Variants in LARS2 observed in about 807,000 individuals in gnomAD.
LARS2 encodes leucine--tRNA ligase, mitochondrial.
Under a neutral mutation model 116.6 loss-of-function variants are expected in LARS2, and 81 were observed. That is an observed-to-expected ratio of 0.69 (90% CI 0.58 to 0.84). The LOEUF is 0.84. LARS2 is among the 40% of genes least tolerant of loss of function. The probability of loss-of-function intolerance (pLI) is 0.00; values close to 1 mark genes in which losing one functional copy is unlikely to be tolerated. For missense variants in LARS2, 968 were observed against 1,114.5 expected (o/e 0.87, Z 1.87); for synonymous variants, 396 against 407.2 (o/e 0.97, Z 0.33).
chr3:45,473,973 CTTTG>C (rs894495840), intron 8 of LARS2, among the ~76,000 whole-genome samples: 39 of 152,178 alleles, frequency 2.6e-4, no homozygotes, highest in Middle Eastern at 3.4e-3. Context: ...GAATTATGAC[CTTTG>C]TTTGTTAATT....
chr3:45,423,186 T>A (rs1259888884), intron 6 of LARS2, among the ~76,000 whole-genome samples: 1 of 152,226 alleles, frequency 6.6e-6, no homozygotes, highest in Non-Finnish European at 1.5e-5. Context: ...TTGATCCTCA[T>A]GTATGATAAG....
chr3:45,496,915 AAAG>A (rs376158167), intron 14 of LARS2, among the ~76,000 whole-genome samples: 45 of 152,372 alleles, frequency 3.0e-4, no homozygotes, highest in African/African-American at 1.1e-3. Flanking sequence ...CAAAACGGAA[AAAG>A]AAGGAAATGC....
intron 13 of LARS2, among the ~76,000 whole-genome samples, chr3:45,494,794 A>T (rs917965418): frequency 2.6e-5 from 4 of 152,234 alleles, no homozygotes; most frequent in Non-Finnish European, 4.4e-5. Context: ...GCAGCTGGGC[A>T]TGATGGCTCA....
intron 12 of LARS2, among the ~76,000 whole-genome samples, chr3:45,491,029 C>T (rs893886969): frequency 2.6e-5 from 4 of 152,138 alleles, no homozygotes; most frequent in African/African-American, 9.7e-5. Flanking sequence ...AATATTTTCC[C>T]CCCAACAGGG....
intron 20 of LARS2, among the ~76,000 whole-genome samples, chr3:45,529,161 G>A (rs1444228580): frequency 6.6e-6 from 1 of 152,118 alleles, no homozygotes; most frequent in Non-Finnish European, 1.5e-5. Context: ...GAGTCACCGC[G>A]CCCGGCCTAC....
At chr3:45,396,662 T>C (rs1215234741) in intron 3 of LARS2, among the ~76,000 whole-genome samples, 1 of 152,240 alleles carries the variant, frequency 6.6e-6, no homozygotes, top group Non-Finnish European at 1.5e-5. Flanking sequence ...TTAATGAGCA[T>C]TTAACCATGT....
intron 20 of LARS2, among the ~76,000 whole-genome samples, chr3:45,525,854 A>G (rs555735832): frequency 6.6e-6 from 1 of 152,336 alleles, no homozygotes; most frequent in Admixed American, 6.5e-5. Flanking sequence ...GAATTCGGGA[A>G]GTCCTTAATA....
intron 4 of LARS2, among the ~76,000 whole-genome samples, chr3:45,412,025 C>CT (rs1051338265): frequency 1.3e-5 from 2 of 152,206 alleles, no homozygotes; most frequent in South Asian, 4.2e-4. Flanking sequence ...TGATCTTGTT[C>CT]TTTTTTTACG....
intron 2 of LARS2, among the ~76,000 whole-genome samples, chr3:45,393,801 G>A (rs553757277): frequency 5.9e-5 from 9 of 152,246 alleles, no homozygotes; most frequent in Non-Finnish European, 1.2e-4. Context: ...TCCAGCCTGA[G>A]TGAAAGAGCA....
chr3:45,446,905 T>A lies in LARS2; in HGVS notation c.531T>A (p.Cys177Ter), dbSNP rs756695666. The A allele has an allele frequency of 8.1e-6, 13 of 1,608,988 alleles. No homozygotes were observed. The highest frequency in any genetic ancestry group is 1.1e-5 in the Non-Finnish European group (13 of 1,175,950). The stretch of plus-strand genomic sequence containing the variant: ...TTTGTTGGCAGGAAATAACTACGTG[T>A]TTGCCAGATTACTACAAGTGGACTC... ...CFSWDREITT[C>*]LPDYYKWTQY... Residue 177 changes from cysteine to a stop codon, truncating the protein, a stop_gained, in exon 7 of 22, where the codon TGT becomes TGA. Coordinates refer to ENST00000645846, the MANE Select transcript of LARS2 (RefSeq NM_015340.4). LOFTEE classifies it high-confidence loss of function.
intron 19 of LARS2, among the ~76,000 whole-genome samples, chr3:45,523,023 A>G (rs973265404): frequency 9.9e-5 from 15 of 152,228 alleles, no homozygotes; most frequent in African/African-American, 3.6e-4. Context: ...CAAGGATAAA[A>G]TATACCTTTT....
At chr3:45,499,613 C>A (rs939303123) in intron 14 of LARS2, among the ~76,000 whole-genome samples, 1 of 151,556 alleles carries the variant, frequency 6.6e-6, no homozygotes, top group African/African-American at 2.4e-5. Flanking sequence ...CCAAGCAAGA[C>A]CCAAACTTTA....
At chr3:45,489,292 T>A (rs1575287656) in intron 12 of LARS2, among the ~76,000 whole-genome samples, 1 of 152,334 alleles carries the variant, frequency 6.6e-6, no homozygotes, top group East Asian at 1.9e-4. Flanking sequence ...TGGCAGGATT[T>A]GAGCCCAGCC....
At chr3:45,491,413 C>A in intron 12 of LARS2, 104 bp from the exon 13 acceptor site, 1 of 1,273,258 alleles carries the variant, frequency 7.9e-7, no homozygotes, top group Non-Finnish European at 1.1e-6. Flanking sequence ...CAGAACTGGT[C>A]CCTTGGGAGA....
chr3:45,424,404 T>C (rs1698560387), intron 6 of LARS2, among the ~76,000 whole-genome samples: 1 of 152,224 alleles, frequency 6.6e-6, no homozygotes, highest in Admixed American at 6.5e-5. Context: ...TCTTATGTAA[T>C]TTATTGGTGT....
chr3:45,393,824 T>TA lies in LARS2; in HGVS notation c.-21-604dup, dbSNP rs557088288. Among the ~76,000 whole-genome samples the TA allele has an allele frequency of 2.0e-4, 31 of 152,212 alleles. No homozygotes were observed. In the South Asian group the frequency reaches 3.3e-3, roughly 16 times the overall value. Reference sequence around the variant, plus strand: ...GAGTGAAAGAGCAGGACCCTGTCTCTAAAAAGTAAGTAAATAAATAAATAA... The same window carrying TA: ...GAGTGAAAGAGCAGGACCCTGTCTCTAAAAAAGTAAGTAAATAAATAAATAA... On this transcript the variant is annotated intron_variant, in intron 2 of 21. Transcript: ENST00000645846.
chr3:45,546,997 C>A (rs1453065293), intron 21 of LARS2, among the ~76,000 whole-genome samples: 6 of 152,226 alleles, frequency 3.9e-5, no homozygotes, highest in Non-Finnish European at 7.3e-5. Flanking sequence ...TAATCCCTTT[C>A]TGCCTGGAAA....
intron 6 of LARS2, among the ~76,000 whole-genome samples, chr3:45,424,585 G>A (rs911881954): frequency 4.6e-5 from 7 of 151,514 alleles, no homozygotes; most frequent in Non-Finnish European, 7.4e-5. Context: ...CACCTGATCC[G>A]TTGTATTTTG....
intron 4 of LARS2, among the ~76,000 whole-genome samples, chr3:45,409,932 A>G (rs1698300975): frequency 1.3e-5 from 2 of 152,356 alleles, no homozygotes; most frequent in African/African-American, 2.4e-5. Flanking sequence ...CTTAGATAAC[A>G]TGTAAGCTAA....
Sources: allele counts gnomAD v4.1 joint callset (sites outside exome capture counted in the v4.1 genomes callset), GRCh38; gene constraint gnomAD v4.1.1; transcripts MANE v1.5; gene names NCBI Gene and HGNC (gene_info 2026-07-23, HGNC 2026-07-21).